The following FHIP2A variants were observed in gnomAD, a reference collection of about 807,000 sequenced individuals.
The protein encoded by FHIP2A is family with sequence similarity 160 member B1.
A neutral mutation model predicts 93.5 loss-of-function variants in FHIP2A; 46 were observed. That is an observed-to-expected ratio of 0.49 (90% confidence interval 0.39 to 0.63). The LOEUF is 0.63. FHIP2A is among the 20% of genes least tolerant of loss of function. The pLI, the probability that FHIP2A is intolerant of heterozygous loss-of-function variation, is 0.00. For missense variants in FHIP2A, 769 were observed against 909.7 expected (o/e 0.85, Z 1.99); for synonymous variants, 332 against 326.5 (o/e 1.02, Z -0.18).
chr10:114,892,301 C>T (rs548883547), intron 16 of FHIP2A, among the ~76,000 whole-genome samples: 1 of 152,230 alleles, frequency 6.6e-6, no homozygotes, highest in South Asian at 2.1e-4. Flanking sequence ...AGACAATAAA[C>T]ATAGATATGT....
rs537478863 is a variant in FHIP2A, at chr10:114,844,033, A to T, written c.1013+96A>T. 4.3e-6 allele frequency: 4 copies of T among 923,182 alleles called. No individual in the cohort carries two copies. The South Asian group carries it at 7.8e-5, about 18-fold the overall frequency. The allele number at this position is 923,182 out of a possible 1,614,324, so 57.2% of individuals were successfully genotyped here. A position where few individuals can be genotyped will look rare whatever the true frequency, so the allele number is the denominator to read the frequency against. ...TTTTGCAATGGTAGAAGTCTTTGAAAAATTGAACACCACTAGTGATCATTA... is the reference window on the plus strand; with the variant it reads ...TTTTGCAATGGTAGAAGTCTTTGAATAATTGAACACCACTAGTGATCATTA... On this transcript the variant is annotated intron_variant, in intron 7 of 16. Coordinates refer to ENST00000369248, the MANE Select transcript of FHIP2A (RefSeq NM_020940.4).
intron 2 of FHIP2A, among the ~76,000 whole-genome samples, chr10:114,831,633 A>G (rs1214938130): frequency 2.0e-5 from 3 of 152,234 alleles, no homozygotes; most frequent in African/African-American, 7.2e-5. Flanking sequence ...GTGCTAGGCT[A>G]CTCATTTTAG....
At chr10:114,897,653 T>C (rs1419111740) in intron 16 of FHIP2A, among the ~76,000 whole-genome samples, 1 of 152,224 alleles carries the variant, frequency 6.6e-6, no homozygotes, top group East Asian at 1.9e-4. Context: ...GCACACCCTG[T>C]AATCCCATCA....
intron 16 of FHIP2A, among the ~76,000 whole-genome samples, chr10:114,870,972 CTG>C (rs2083856414): frequency 6.6e-6 from 1 of 152,000 alleles, no homozygotes; most frequent in Non-Finnish European, 1.5e-5. Context: ...TTGTTCCTAT[CTG>C]TATCACCTCA....
intron 1 of FHIP2A, among the ~76,000 whole-genome samples, 154 bp downstream of exon 1, chr10:114,822,277 C>T (rs911082843): frequency 5.2e-4 from 79 of 151,432 alleles, no homozygotes; most frequent in Non-Finnish European, 3.4e-4. Context: ...CCTGGGCGGC[C>T]GCCGGGTCGT....
Position 114,848,837 on chromosome 10 carries a change from C to T in FHIP2A, c.1803+100C>T. ...CACCACTGCTCCAAGGAAATGACTT[C>T]ATTCTTATTAAAAATGAGACCTGGG... On this transcript the variant is annotated intron_variant, in intron 13 of 16. Transcript: ENST00000369248. 5.3e-6 allele frequency: 4 copies of T among 761,460 alleles called. No homozygotes were observed. The South Asian group carries it at 6.5e-5, about 12-fold the overall frequency. The allele number at this position is 761,460 out of a possible 1,614,324, so 47.2% of individuals were successfully genotyped here.
intron 14 of FHIP2A, 45 bp from the exon 15 acceptor site, chr10:114,860,704 T>C: frequency 7.0e-7 from 1 of 1,427,848 alleles, no homozygotes; most frequent in East Asian, 2.3e-5. Context: ...AGCACACCGG[T>C]ATACATTATT....
Position 114,848,651 on chromosome 10 carries a change from CTCTG to C in FHIP2A, c.1722_1725del (p.Cys574TrpfsTer36). ...TTGTGGCCGTTTTCATTTAAGTTTT[CTCTG>C]TCTGGTACCGGATGACGCAAAATCC... On this transcript the variant is annotated frameshift_variant, in exon 13 of 17. Transcript: ENST00000369248. LOFTEE classifies it high-confidence loss of function. The C allele has an allele frequency of 1.9e-6, 3 of 1,584,532 alleles. No homozygotes were observed. Among genetic ancestry groups the C allele is most frequent in the Non-Finnish European group, 2.6e-6 (3 of 1,162,130 alleles).
At position 114,860,844 on chromosome 10, in the gene FHIP2A, G is replaced by T; in HGVS notation, c.2043G>T (p.Val681=). ...HIHEYLLDPY[V]NLAPGCRSLF... ...ACGAGTACCTTTTGGATCCTTACGT[G>T]AACCTCGCTCCTGGCTGTAGATCTC... is the stretch of plus-strand genomic sequence containing the variant. The change falls in exon 15 of 17, where the codon GTG becomes GTT. Residue 681 remains valine (V), a synonymous_variant. Transcript: ENST00000369248. 1 of 1,613,580 alleles carries T rather than the reference G, an allele frequency of 6.2e-7. No homozygotes were observed. The highest frequency in any genetic ancestry group is 8.5e-7 in the Non-Finnish European group (1 of 1,179,626).
At chr10:114,895,924 T>A (rs2083999077) in intron 16 of FHIP2A, among the ~76,000 whole-genome samples, 5 of 152,224 alleles carry the variant, frequency 3.3e-5, no homozygotes, top group Admixed American at 1.3e-4. Flanking sequence ...ACAACTGTGC[T>A]GCTATCAATT....
At position 114,846,016 on chromosome 10, in the gene FHIP2A, G is replaced by A. The variant is rs751774718; in HGVS notation, c.1132G>A (p.Ala378Thr). ...DQLIKEAQKT[A>T]AVALAKAVHE... ...TGATGTTCCTACTATATTCTAGACT[G>A]CTGCTGTTGCTCTTGCCAAAGCTGT... Residue 378 changes from alanine (A) to threonine (T), a missense_variant, in exon 9 of 17, where the codon GCT becomes ACT. Physicochemically the swap from Ala to Thr is moderately conservative, Grantham distance 58 (BLOSUM62 0). Coordinates refer to ENST00000369248, the MANE Select transcript of FHIP2A (RefSeq NM_020940.4). 9.3e-6 allele frequency: 15 copies of A among 1,610,996 alleles called. No individual in the cohort carries two copies. The highest frequency in any genetic ancestry group is 1.3e-5 in the Non-Finnish European group (15 of 1,177,658).
At chr10:114,827,576 T>G (rs1349805791) in intron 1 of FHIP2A, among the ~76,000 whole-genome samples, 1 of 152,096 alleles carries the variant, frequency 6.6e-6, no homozygotes, top group East Asian at 1.9e-4. Flanking sequence ...GGCGGGCGGA[T>G]CATGAGGTCA....
At chr10:114,837,465 A>G (rs533407228) in intron 5 of FHIP2A, among the ~76,000 whole-genome samples, 1 of 152,338 alleles carries the variant, frequency 6.6e-6, no homozygotes, top group Admixed American at 6.5e-5. Context: ...CAGTGAGCCA[A>G]GATTGCAACA....
intron 7 of FHIP2A, 86 bp downstream of exon 7, chr10:114,844,023 A>C (rs1336042797): frequency 8.7e-7 from 1 of 1,150,254 alleles, no homozygotes; most frequent in African/African-American, 1.6e-5. Flanking sequence ...CAATGGTAGA[A>C]GTCTTTGAAA....
At chr10:114,875,681 G>A (rs1291668239) in intron 16 of FHIP2A, among the ~76,000 whole-genome samples, 3 of 151,086 alleles carry the variant, frequency 2.0e-5, no homozygotes, top group African/African-American at 4.9e-5. Flanking sequence ...GCAATTGAGC[G>A]AGACTCTGTC....
At position 114,846,674 on chromosome 10, in the gene FHIP2A, C is replaced by T; in HGVS notation, c.1514C>T (p.Pro505Leu). The change falls in exon 11 of 17, where the codon CCT (proline) becomes CTT (leucine). Residue 505 changes from proline (P) to leucine (L), a missense_variant. Pro to Leu is a moderately conservative substitution (Grantham distance 98). Coordinates refer to ENST00000369248, the MANE Select transcript of FHIP2A (RefSeq NM_020940.4). Reference protein sequence around the residue: ...LEERNYTEYKPLCPEDKDVVE... With the variant: ...LEERNYTEYKLLCPEDKDVVE... ...GAAAGAAATTATACAGAATATAAAC[C>T]TTTGTGCCCAGAAGATAAAGATGTG... 1.2e-6 allele frequency: 2 copies of T among 1,611,102 alleles called. No homozygotes were observed. The highest frequency in any genetic ancestry group is 1.7e-6 in the Non-Finnish European group (2 of 1,179,288).
At chr10:114,849,909 A>G (rs1472569331) in intron 13 of FHIP2A, among the ~76,000 whole-genome samples, 1 of 152,174 alleles carries the variant, frequency 6.6e-6, no homozygotes, top group African/African-American at 2.4e-5. Flanking sequence ...TACTCAGTGT[A>G]AGGTCATGTT....
intron 1 of FHIP2A, among the ~76,000 whole-genome samples, chr10:114,824,354 G>A (rs1391196874): frequency 1.3e-5 from 2 of 152,122 alleles, no homozygotes; most frequent in Non-Finnish European, 2.9e-5. Context: ...GTATATATTA[G>A]CATCTGCCAA....
chr10:114,874,765 A>T (rs1390110107), intron 16 of FHIP2A, among the ~76,000 whole-genome samples: 1 of 152,168 alleles, frequency 6.6e-6, no homozygotes, highest in African/African-American at 2.4e-5. Flanking sequence ...CTGCCTCCCA[A>T]AGTTCTGGGA....
Sources: allele counts gnomAD v4.1 joint callset (sites outside exome capture counted in the v4.1 genomes callset), GRCh38; gene constraint gnomAD v4.1.1; transcripts MANE v1.5; gene names NCBI Gene and HGNC (gene_info 2026-07-23, HGNC 2026-07-21).